Variants in PITPNB observed in about 807,000 individuals in gnomAD.
The protein encoded by PITPNB is phosphatidylinositol transfer protein beta isoform.
In PITPNB, 16 loss-of-function variants were observed where a neutral mutation model predicts 45.9. That is an observed-to-expected ratio of 0.35 (90% confidence interval 0.24 to 0.53). The LOEUF is 0.53. Ranked by LOEUF, PITPNB falls within the 20% of genes least tolerant of loss-of-function variation. PITPNB has a pLI of 0.93. For missense variants in PITPNB, 188 were observed against 330.5 expected, an observed-to-expected ratio of 0.57 and a Z score of 3.34; for synonymous variants, 112 against 108.9, an observed-to-expected ratio of 1.03 and a Z score of -0.18.
chr22:27,900,393 G>A (rs892489126), intron 3 of PITPNB, among the ~76,000 whole-genome samples: 1 of 151,956 alleles, frequency 6.6e-6, no homozygotes, highest in African/African-American at 2.4e-5. Context: ...TATCATTAAA[G>A]GCCAACATGA....
intron 7 of PITPNB, among the ~76,000 whole-genome samples, chr22:27,884,552 A>G (rs751460060): frequency 1.3e-5 from 2 of 152,292 alleles, no homozygotes; most frequent in South Asian, 4.1e-4. Context: ...TCTTCCTTTC[A>G]AGAACATCAT....
chr22:27,897,946 G>GTA (rs1428805565), intron 3 of PITPNB, 54 bp from the exon 4 acceptor site: 1 of 1,222,680 alleles, frequency 8.2e-7, no homozygotes, highest in Non-Finnish European at 1.2e-6. Context: ...TTCTTTCTTG[G>GTA]TATCTATCCA....
rs921059167 is a variant in PITPNB at position 27,853,228 on chromosome 22, T to C, written c.*474A>G. 4.5e-5 allele frequency: 8 copies of C among 179,234 alleles called. No homozygotes were observed. Among genetic ancestry groups the C allele is most frequent in the Non-Finnish European group, 9.3e-5 (8 of 85,896 alleles). The allele number at this position is 179,234 out of a possible 1,614,324, so 11.1% of individuals were successfully genotyped here. ...AAGAGAAAAATAATAAAAGGCTATA[T>C]ATGTTGGTCCACAGCTTGACATTTA... is the stretch of plus-strand genomic sequence containing the variant. On this transcript the variant is annotated 3_prime_UTR_variant, in exon 12 of 12. Coordinates refer to ENST00000335272, the MANE Select transcript of PITPNB (RefSeq NM_012399.5).
chr22:27,883,764 G>A (rs1935038939), intron 7 of PITPNB, among the ~76,000 whole-genome samples: 2 of 152,236 alleles, frequency 1.3e-5, no homozygotes, highest in Non-Finnish European at 2.9e-5. Flanking sequence ...AATCTTCAGA[G>A]AACTGGACTA....
Position 27,897,143 on chromosome 22 carries a change from G to T in PITPNB, c.290-6C>A. On this transcript the variant is annotated splice_polypyrimidine_tract_variant and splice_region_variant and intron_variant, in intron 4 of 11. Transcript: ENST00000335272. ...AGTTTTACTCACCGTTACAACTGAG[G>T]CATAATGGAGAGGTAGGTAATGAAA... 6.4e-7 allele frequency: 1 copy of T among 1,568,060 alleles called. No homozygotes were observed. The highest frequency in any genetic ancestry group is 8.8e-7 in the Non-Finnish European group (1 of 1,137,944).
intron 10 of PITPNB, among the ~76,000 whole-genome samples, chr22:27,855,625 C>T (rs780411375): frequency 2.0e-5 from 3 of 152,158 alleles, no homozygotes; most frequent in Non-Finnish European, 4.4e-5. Context: ...ACCCCGGAAC[C>T]GGAGGTGCCA....
intron 7 of PITPNB, among the ~76,000 whole-genome samples, chr22:27,880,285 G>A (rs1037729899): frequency 1.3e-5 from 2 of 152,122 alleles, no homozygotes; most frequent in African/African-American, 4.8e-5. Flanking sequence ...CTGAAGGGAC[G>A]CTTGCTCCCT....
chr22:27,853,955 C>G (rs1317481902), intron 11 of PITPNB, among the ~76,000 whole-genome samples: 6 of 148,424 alleles, frequency 4.0e-5, no homozygotes, highest in Admixed American at 2.7e-4. Context: ...TTTTAATGAA[C>G]ATGGAATTTA....
chr22:27,894,176 T>G (rs376317107), intron 7 of PITPNB: 12 of 160,176 alleles, frequency 7.5e-5, no homozygotes, highest in Admixed American at 2.5e-4. Flanking sequence ...AATACTTGTA[T>G]GCAAATTAAA....
In PITPNB at chr22:27,852,399, CCTTT is replaced by C. The variant is rs1445673827; in HGVS notation, c.*1299_*1302del. On this transcript the variant is annotated 3_prime_UTR_variant, in exon 12 of 12. Transcript: ENST00000335272. ...AAATCTTACCTAGCTATTGTTCCTT[CCTTT>C]AAATAAAAAATAAAATTAAATTAAA... The C allele has an allele frequency of 6.6e-6, 1 of 152,176 alleles. No individual in the cohort carries two copies. Among genetic ancestry groups the C allele is most frequent in the Non-Finnish European group, 1.5e-5 (1 of 68,038 alleles). 9.4% of individuals were successfully genotyped at this position (152,176 alleles called of 1,614,324 possible).
chr22:27,894,176 T>C lies in PITPNB; in HGVS notation c.456+379A>G, dbSNP rs376317107. The C allele has an allele frequency of 3.1e-5, 5 of 160,176 alleles. No individual in the cohort carries two copies. The South Asian group carries it at 9.6e-4, about 31-fold the overall frequency. 9.9% of individuals were successfully genotyped at this position (160,176 alleles called of 1,614,324 possible). A position where few individuals can be genotyped will look rare whatever the true frequency, so the allele number is the denominator to read the frequency against. ...GTAGCTGAGTTACTAAATACTTGTA[T>C]GCAAATTAAATTTTTGCTTTCTTAA... On this transcript the variant is annotated intron_variant, in intron 7 of 11. Coordinates refer to ENST00000335272, the MANE Select transcript of PITPNB (RefSeq NM_012399.5).
chr22:27,892,771 T>A (rs1425582156), intron 7 of PITPNB, among the ~76,000 whole-genome samples: 1 of 152,190 alleles, frequency 6.6e-6, no homozygotes, highest in Non-Finnish European at 1.5e-5. Context: ...ATCCCTAAAA[T>A]TGAAACAACT....
At chr22:27,903,892 A>G (rs573888711) in intron 3 of PITPNB, among the ~76,000 whole-genome samples, 3 of 152,306 alleles carry the variant, frequency 2.0e-5, no homozygotes, top group African/African-American at 4.8e-5. Context: ...AGATGTTAAC[A>G]TCATTAATCA....
chr22:27,918,986 T>C (rs1936184512), intron 1 of PITPNB, 186 bp downstream of exon 1: 3 of 806,030 alleles, frequency 3.7e-6, no homozygotes, highest in African/African-American at 3.7e-5. Flanking sequence ...ACCACGGCAA[T>C]GCCTGGAGGG....
At chr22:27,908,681 A>C (rs1935832596) in intron 3 of PITPNB, among the ~76,000 whole-genome samples, 1 of 152,162 alleles carries the variant, frequency 6.6e-6, no homozygotes, top group Non-Finnish European at 1.5e-5. Flanking sequence ...AAAGCTGAGT[A>C]TATATAAGCA....
At chr22:27,876,915 G>A (rs1009766369) in intron 7 of PITPNB, among the ~76,000 whole-genome samples, 1 of 152,114 alleles carries the variant, frequency 6.6e-6, no homozygotes, top group African/African-American at 2.4e-5. Context: ...CTTGGCTCAT[G>A]GTTTATTGTG....
At chr22:27,890,400 C>T (rs1469627178) in intron 7 of PITPNB, among the ~76,000 whole-genome samples, 2 of 151,624 alleles carry the variant, frequency 1.3e-5, no homozygotes, top group African/African-American at 4.9e-5. Flanking sequence ...CCTTACGTAA[C>T]AGTTCTTTAA....
chr22:27,853,549 G>A lies in PITPNB; in HGVS notation c.*153C>T. On this transcript the variant is annotated 3_prime_UTR_variant, in exon 12 of 12. Transcript: ENST00000335272. ...CGTGGTTGAGAACCTGTGCATGTGT[G>A]TGTATCATCACAAGCACACATCTGG... 8.1e-7 allele frequency: 1 copy of A among 1,232,066 alleles called. No individual in the cohort carries two copies. Among genetic ancestry groups the A allele is most frequent in the South Asian group, 1.3e-5 (1 of 77,670 alleles). 76.3% of individuals were successfully genotyped at this position (1,232,066 alleles called of 1,614,324 possible). A position where few individuals can be genotyped will look rare whatever the true frequency, so the allele number is the denominator to read the frequency against.
rs1934086351 is a variant in PITPNB at position 27,853,518 on chromosome 22, T to A, written c.*184A>T. 2.2e-6 allele frequency: 2 copies of A among 920,626 alleles called. No individual in the cohort carries two copies. Among genetic ancestry groups the A allele is most frequent in the Non-Finnish European group, 3.5e-6 (2 of 573,410 alleles). 57.0% of individuals were successfully genotyped at this position (920,626 alleles called of 1,614,324 possible). ...ACAGACATATGCACACATACATATA[T>A]ACACACGTGGTTGAGAACCTGTGCA... On this transcript the variant is annotated 3_prime_UTR_variant, in exon 12 of 12. Transcript: ENST00000335272.
Sources: allele counts gnomAD v4.1 joint callset (sites outside exome capture counted in the v4.1 genomes callset), GRCh38; gene constraint gnomAD v4.1.1; transcripts MANE v1.5; gene names NCBI Gene and HGNC (gene_info 2026-07-23, HGNC 2026-07-21).